GALNT14: variants seen among roughly 807,000 people sequenced by gnomAD.
GALNT14 encodes the protein UDP-GalNAc:polypeptide N-acetylgalactosaminyltransferase 14.
Under a neutral mutation model 77.5 loss-of-function variants are expected in GALNT14, and 60 were observed. The observed-to-expected ratio is 0.77, with a 90% CI of 0.63 to 0.96. The LOEUF is 0.96. Among genes scored for constraint, GALNT14 ranks in the 40% least tolerant of loss-of-function variants. The pLI, the probability that GALNT14 is intolerant of heterozygous loss-of-function variation, is 0.00. For synonymous variants in GALNT14, 280 were observed against 281.7 expected, an observed-to-expected ratio of 0.99 and a Z score of 0.06; for missense variants, 710 against 731.0, an observed-to-expected ratio of 0.97 and a Z score of 0.33.
chr2:31,083,816 G>A (rs1487063574), intron 1 of GALNT14, among the ~76,000 whole-genome samples: 1 of 152,174 alleles, frequency 6.6e-6, no homozygotes, highest in African/African-American at 2.4e-5. Context: ...CCCTATGTGT[G>A]ATCTGAGGAC....
At chr2:31,067,219 T>C (rs1223870157) in intron 1 of GALNT14, among the ~76,000 whole-genome samples, 1 of 152,118 alleles carries the variant, frequency 6.6e-6, no homozygotes, top group Non-Finnish European at 1.5e-5. Flanking sequence ...GAGATTCCCA[T>C]AGTCAGTCTC....
At position 30,989,560 on chromosome 2, in the gene GALNT14, T is replaced by TTATATATATATATATATA. The variant is rs57594110; in HGVS notation, c.299+3260_299+3277dup. ...ATTTACTATTAGGTAGGTAAATACC[T>TTATATATATATATATATA]TATATATATATATATATATATAAAA... On this transcript the variant is annotated intron_variant, in intron 2 of 14. Transcript: ENST00000349752. Among the ~76,000 whole-genome samples the TTATATATATATATATATA allele has an allele frequency of 1.7e-4, 15 of 87,092 alleles. No individual in the cohort carries two copies. The East Asian group carries it at 2.6e-3, about 15-fold the overall frequency. The allele number at this position is 87,092 out of a possible 152,430, so 57.1% of individuals were successfully genotyped here.
chr2:30,958,275 T>C, intron 4 of GALNT14, 122 bp downstream of exon 4: 2 of 771,156 alleles, frequency 2.6e-6, no homozygotes, highest in Non-Finnish European at 2.2e-6. Context: ...AAGACTTCCG[T>C]ACCTATTACA....
At chr2:31,008,528 C>A (rs763899529) in intron 1 of GALNT14, among the ~76,000 whole-genome samples, 2 of 152,110 alleles carry the variant, frequency 1.3e-5, no homozygotes, top group Non-Finnish European at 2.9e-5. Flanking sequence ...AATGGCTCCC[C>A]CCAGCCTTGC....
intron 1 of GALNT14, among the ~76,000 whole-genome samples, chr2:31,074,407 AT>A (rs58156416): frequency 0.53 from 79,078 of 149,454 alleles, 21,391 homozygotes; most frequent in African/African-American, 0.66. Flanking sequence ...TCTTTGGGGG[AT>A]TTTTTTTTTT....
intron 1 of GALNT14, among the ~76,000 whole-genome samples, chr2:31,089,391 A>C (rs1379104414): frequency 1.3e-5 from 2 of 151,714 alleles, no homozygotes; most frequent in Admixed American, 1.3e-4. Flanking sequence ...TAACTGGCTC[A>C]AGAAGAAAAA....
intron 13 of GALNT14, among the ~76,000 whole-genome samples, chr2:30,920,650 CACACACACACACAT>C (rs1664975300): frequency 6.6e-6 from 1 of 152,056 alleles, no homozygotes; most frequent in African/African-American, 2.4e-5. Flanking sequence ...CACACACACA[CACACACACACACAT>C]AGGCACACAT....
intron 1 of GALNT14, among the ~76,000 whole-genome samples, chr2:31,011,679 A>G (rs1267353657): frequency 1.3e-5 from 2 of 152,026 alleles, no homozygotes; most frequent in Non-Finnish European, 2.9e-5. Flanking sequence ...TCTGGCAGCA[A>G]ATAAATCTAT....
rs72855276 is a variant in GALNT14 at position 31,012,307 on chromosome 2, C to T, written c.130-19300G>A. On this transcript the variant is annotated intron_variant, in intron 1 of 14. Coordinates refer to ENST00000349752, the MANE Select transcript of GALNT14 (RefSeq NM_024572.4). ...ACACTGGCATCCTTCCATTAAACTG[C>T]CACCACCATGACTTTAAGGAAGCAA... Among the ~76,000 whole-genome samples, 626 of 152,288 alleles carry T rather than the reference C, an allele frequency of 4.1e-3. 5 individuals are homozygous for T. The highest frequency in any genetic ancestry group is 0.014 in the African/African-American group (597 of 41,572).
intron 2 of GALNT14, among the ~76,000 whole-genome samples, chr2:30,970,234 G>A (rs1295741759): frequency 1.3e-5 from 2 of 152,128 alleles, no homozygotes; most frequent in Non-Finnish European, 2.9e-5. Flanking sequence ...AGAGGCAAGA[G>A]GAGGAGCAGA....
chr2:31,082,949 C>T (rs763639632), intron 1 of GALNT14, among the ~76,000 whole-genome samples: 12 of 151,926 alleles, frequency 7.9e-5, no homozygotes, highest in African/African-American at 2.7e-4. Flanking sequence ...ACTTGGGAGG[C>T]GGAGGTTGCA....
At chr2:30,942,332 G>C (rs1666425507) in intron 8 of GALNT14, 28 bp from the exon 9 acceptor site, 1 of 1,549,144 alleles carries the variant, frequency 6.5e-7, no homozygotes, top group East Asian at 2.2e-5. Context: ...AAAGAGAGGG[G>C]ATCAGTTCTA....
intron 1 of GALNT14, among the ~76,000 whole-genome samples, chr2:31,024,345 C>A (rs1262889991): frequency 6.6e-6 from 1 of 152,132 alleles, no homozygotes; most frequent in African/African-American, 2.4e-5. Context: ...CCTGGCTGCA[C>A]AACTCACTCA....
chr2:31,066,517 G>A (rs911431391), intron 1 of GALNT14, among the ~76,000 whole-genome samples: 3 of 152,108 alleles, frequency 2.0e-5, no homozygotes, highest in Non-Finnish European at 2.9e-5. Flanking sequence ...GAGCAGGGAG[G>A]GGCCGTGCAG....
intron 1 of GALNT14, among the ~76,000 whole-genome samples, chr2:31,102,747 G>C (rs1320557976): frequency 6.6e-6 from 1 of 152,050 alleles, no homozygotes; most frequent in African/African-American, 2.4e-5. Flanking sequence ...GTAAATTAAA[G>C]TGATCCGTTA....
chr2:30,994,435 T>C (rs1558476047), intron 1 of GALNT14, among the ~76,000 whole-genome samples: 1 of 152,220 alleles, frequency 6.6e-6, no homozygotes, highest in South Asian at 2.1e-4. Context: ...CTGGGCACCA[T>C]GGTGAGCTTA....
intron 1 of GALNT14, among the ~76,000 whole-genome samples, chr2:31,008,188 A>G (rs2148434953): frequency 6.6e-6 from 1 of 152,224 alleles, no homozygotes; most frequent in African/African-American, 2.4e-5. Context: ...GGGCTCAAAC[A>G]ATCCTCCCGA....
rs141857956 is a variant in GALNT14 at position 31,097,217 on chromosome 2, T to C, written c.129+40741A>G. Reference sequence around the variant, plus strand: ...ATACAAAAATGGTGAAGACATTTTCTAGGAAACAAGGAAGGAGAAAAGAGC... The same window carrying C: ...ATACAAAAATGGTGAAGACATTTTCCAGGAAACAAGGAAGGAGAAAAGAGC... On this transcript the variant is annotated intron_variant, in intron 1 of 14. Transcript: ENST00000349752. Among the ~76,000 whole-genome samples, 29 of 152,262 alleles carry C rather than the reference T, an allele frequency of 1.9e-4. No homozygotes were observed. The East Asian group carries it at 3.9e-3, about 20-fold the overall frequency.
chr2:31,063,117 G>A (rs1674708329), intron 1 of GALNT14, among the ~76,000 whole-genome samples: 1 of 152,158 alleles, frequency 6.6e-6, no homozygotes, highest in South Asian at 2.1e-4. Context: ...TGGTGTTTTA[G>A]TCATGAAGTC....
Sources: gnomAD v4.1 joint callset for allele counts (sites outside exome capture counted in the v4.1 genomes callset) on GRCh38, gnomAD v4.1.1 for gene constraint, MANE v1.5 for transcripts, NCBI Gene and HGNC (gene_info 2026-07-23, HGNC 2026-07-21) for gene names.